The following ATCAY variants were observed in gnomAD, a reference collection of about 807,000 sequenced individuals.
ATCAY encodes ATCAY kinesin light chain interacting caytaxin.
Under a neutral mutation model 47.7 loss-of-function variants are expected in ATCAY, and 22 were observed. The ratio of observed to expected loss-of-function variants is 0.46; its 90% CI spans 0.33 to 0.66. ATCAY has a LOEUF of 0.66. Ranked by LOEUF, ATCAY falls within the 30% of genes least tolerant of loss-of-function variation. The probability of loss-of-function intolerance (pLI) is 0.02; values close to 1 mark genes in which losing one functional copy is unlikely to be tolerated. For synonymous variants in ATCAY, 216 were observed against 207.6 expected (o/e 1.04, Z -0.35); for missense variants, 452 against 515.0 (o/e 0.88, Z 1.18).
In ATCAY at chr19:3,909,345, G is replaced by T. The variant is rs796763875; in HGVS notation, c.648-141G>T. On this transcript the variant is annotated intron_variant, in intron 6 of 12. Transcript: ENST00000450849. ...CACGTCCTCTCCCACCCTGCAGTCCGCCAGGACAGCAGACAACACCTGGAC... is the reference window on the plus strand; with the variant it reads ...CACGTCCTCTCCCACCCTGCAGTCCTCCAGGACAGCAGACAACACCTGGAC... 37 of 934,290 alleles carry T rather than the reference G, an allele frequency of 4.0e-5. No individual in the cohort carries two copies. The African/African-American group carries it at 5.3e-4, about 13-fold the overall frequency. 57.9% of individuals were successfully genotyped at this position (934,290 alleles called of 1,614,324 possible).
At chr19:3,894,176 G>A (rs1054949060) in intron 2 of ATCAY, among the ~76,000 whole-genome samples, 1 of 151,762 alleles carries the variant, frequency 6.6e-6, no homozygotes, top group Non-Finnish European at 1.5e-5. Context: ...GACCCCATCT[G>A]CAGAAAAATA....
chr19:3,921,848 G>A (rs1018998004), intron 12 of ATCAY, among the ~76,000 whole-genome samples: 8 of 151,238 alleles, frequency 5.3e-5, no homozygotes, highest in East Asian at 2.0e-4. Context: ...AGTGAGCTGA[G>A]ATTGCACCAT....
intron 2 of ATCAY, among the ~76,000 whole-genome samples, chr19:3,893,089 A>G (rs866498218): frequency 1.0e-4 from 15 of 150,296 alleles, no homozygotes; most frequent in African/African-American, 3.2e-4. Context: ...ACTTAAACTT[A>G]TCTCTTTTAG....
intron 7 of ATCAY, among the ~76,000 whole-genome samples, chr19:3,910,584 T>A (rs1292980572): frequency 1.3e-5 from 2 of 152,090 alleles, no homozygotes; most frequent in Non-Finnish European, 2.9e-5. Flanking sequence ...ACCTACCTCA[T>A]CCACCTGAGG....
In ATCAY at chr19:3,882,637, CTTATT is replaced by C. The variant is rs1158315470; in HGVS notation, c.-42+1647_-42+1651del. On this transcript the variant is annotated intron_variant, in intron 1 of 12. Transcript: ENST00000450849. Reference sequence around the variant, plus strand: ...GTGAGCCACCGCACCAGCCAGATGCCTTATTTTATTTTATTTTATTTTCTGAAATA... The same window carrying C: ...GTGAGCCACCGCACCAGCCAGATGCCTTATTTTATTTTATTTTCTGAAATA... 6.0e-5 allele frequency among the ~76,000 whole-genome samples: 9 copies of C among 150,360 alleles called. No individual in the cohort carries two copies. In the South Asian group the frequency reaches 6.3e-4, roughly 11 times the overall value.
intron 8 of ATCAY, 80 bp downstream of exon 8, chr19:3,910,969 G>A: frequency 1.4e-6 from 2 of 1,471,898 alleles, no homozygotes; most frequent in South Asian, 1.1e-5. Context: ...ATTTGTGTGT[G>A]CATGTGTGCA....
Position 3,909,473 on chromosome 19 carries a change from G to A in ATCAY, c.648-13G>A, listed in dbSNP as rs1281040092. 1.2e-5 allele frequency: 19 copies of A among 1,611,128 alleles called. No homozygotes were observed. The highest frequency in any genetic ancestry group is 1.5e-5 in the Non-Finnish European group (18 of 1,177,790). ...TCCATGTTGGGTCCCTGCCTTCTGTGCCCCGTGAGCAGGTACGTCATCAGC... is the reference window on the plus strand; with the variant it reads ...TCCATGTTGGGTCCCTGCCTTCTGTACCCCGTGAGCAGGTACGTCATCAGC... On this transcript the variant is annotated splice_polypyrimidine_tract_variant and intron_variant, in intron 6 of 12. Transcript: ENST00000450849.
chr19:3,905,701 C>CA (rs1568448495), intron 4 of ATCAY, 46 bp downstream of exon 4: 1 of 1,525,126 alleles, frequency 6.6e-7, no homozygotes, highest in Non-Finnish European at 9.0e-7. Flanking sequence ...CCACCCCCCC[C>CA]ACCCCACCTT....
In ATCAY at chr19:3,907,601, C is replaced by T. The variant is rs1214236948; in HGVS notation, c.359-133C>T. On this transcript the variant is annotated intron_variant, in intron 4 of 12. Coordinates refer to ENST00000450849, the MANE Select transcript of ATCAY (RefSeq NM_033064.5). This position sits in a 1 kb window ranked among gnomAD's most constrained non-coding sequence, Gnocchi z 5.1. ...AGAGGAAAATGGGTCAGCAGGGCAGCCAGGTGGGGAGAAGCGAAGGACTTG... is the reference window on the plus strand; with the variant it reads ...AGAGGAAAATGGGTCAGCAGGGCAGTCAGGTGGGGAGAAGCGAAGGACTTG... 6.4e-6 allele frequency: 7 copies of T among 1,088,720 alleles called. No individual in the cohort carries two copies. Among genetic ancestry groups the T allele is most frequent in the African/African-American group, 1.6e-5 (1 of 62,700 alleles). The allele number at this position is 1,088,720 out of a possible 1,614,324, so 67.4% of individuals were successfully genotyped here.
At chr19:3,889,597 G>GA (rs2038695321) in intron 2 of ATCAY, among the ~76,000 whole-genome samples, 1 of 151,948 alleles carries the variant, frequency 6.6e-6, no homozygotes, top group African/African-American at 2.4e-5. Context: ...GCATATCTAA[G>GA]AAAAATAATA....
At chr19:3,887,771 C>T (rs1385215352) in intron 2 of ATCAY, among the ~76,000 whole-genome samples, 1 of 149,174 alleles carries the variant, frequency 6.7e-6, no homozygotes, top group African/African-American at 2.5e-5. Context: ...CAGGCGTGAG[C>T]CATCGCGCCC....
intron 2 of ATCAY, among the ~76,000 whole-genome samples, chr19:3,900,496 C>T (rs1281395101): frequency 6.6e-6 from 1 of 152,004 alleles, no homozygotes; most frequent in African/African-American, 2.4e-5. Flanking sequence ...TGGACTGTGG[C>T]AGTCTCCCTG....
chr19:3,923,769 T>G (rs1599150805), intron 12 of ATCAY, among the ~76,000 whole-genome samples: 1 of 87,954 alleles, frequency 1.1e-5, no homozygotes, highest in African/African-American at 4.4e-5. Flanking sequence ...GATGGGTGAG[T>G]GGGTGGGTGG....
chr19:3,904,105 A>G (rs2038839790), intron 3 of ATCAY, among the ~76,000 whole-genome samples: 2 of 152,156 alleles, frequency 1.3e-5, no homozygotes, highest in South Asian at 4.2e-4. Flanking sequence ...GCAAGCTGAG[A>G]TTGTGCCATT....
At chr19:3,909,093 T>C (rs11672025) in intron 6 of ATCAY, among the ~76,000 whole-genome samples, 9 of 118,178 alleles carry the variant, frequency 7.6e-5, no homozygotes, top group South Asian at 3.5e-4. Flanking sequence ...ACAATTTAGC[T>C]GGGCTCGGTG....
At chr19:3,919,491 C>T (rs2145265033) in intron 11 of ATCAY, among the ~76,000 whole-genome samples, 1 of 152,070 alleles carries the variant, frequency 6.6e-6, no homozygotes. Flanking sequence ...ACTTGGAAGG[C>T]TGAGGCAGGA....
chr19:3,920,259 C>CA (rs947324230), intron 11 of ATCAY: 2 of 152,324 alleles, frequency 1.3e-5, no homozygotes, highest in East Asian at 3.9e-4. Context: ...GTGGGAGGAT[C>CA]ACTTGAGCCC....
intron 2 of ATCAY, among the ~76,000 whole-genome samples, chr19:3,902,215 A>G (rs1236074669): frequency 7.2e-5 from 11 of 151,848 alleles, no homozygotes; most frequent in Admixed American, 7.2e-4. Context: ...CCAGCTACTC[A>G]GGAGGCTGAG....
In ATCAY at chr19:3,904,635, T is replaced by TACAC. The variant is rs58093726; in HGVS notation, c.137-778_137-775dup. Among the ~76,000 whole-genome samples, 249 of 149,226 alleles carry TACAC rather than the reference T, an allele frequency of 1.7e-3. 3 individuals carry two copies. The highest frequency in any genetic ancestry group is 7.0e-3 in the Middle Eastern group (2 of 284). ...CATACATATAGGAAAAAAATATGTA[T>TACAC]ACACACACACACACACACACACACG... On this transcript the variant is annotated intron_variant, in intron 3 of 12. Transcript: ENST00000450849.
Sources: allele counts gnomAD v4.1 joint callset (sites outside exome capture counted in the v4.1 genomes callset), GRCh38; gene constraint gnomAD v4.1.1; non-coding constraint Gnocchi (gnomAD v3.1); transcripts MANE v1.5; gene names NCBI Gene and HGNC (gene_info 2026-07-23, HGNC 2026-07-21).